The following KCNAB1 variants were observed in gnomAD, a reference collection of about 807,000 sequenced individuals.
The protein encoded by KCNAB1 is potassium voltage-gated channel subfamily A regulatory beta subunit 1.
KCNAB1 carries 35 observed loss-of-function variants against 64.6 expected under a neutral mutation model. The ratio of observed to expected loss-of-function variants is 0.54; its 90% CI spans 0.41 to 0.72. The LOEUF is 0.72. Among genes scored for constraint, KCNAB1 ranks in the 30% least tolerant of loss-of-function variants. The pLI is 0.00. For synonymous variants in KCNAB1, 177 were observed against 183.8 expected (o/e 0.96, Z 0.30); for missense variants, 401 against 512.9 (o/e 0.78, Z 2.11).
chr3:156,198,788 G>A (rs1714129920), intron 1 of KCNAB1, among the ~76,000 whole-genome samples: 1 of 151,206 alleles, frequency 6.6e-6, no homozygotes, highest in Non-Finnish European at 1.5e-5. Context: ...GGGGCCTTTA[G>A]CCTATTTACA....
At chr3:156,348,837 C>A (rs1219593276) in intron 1 of KCNAB1, among the ~76,000 whole-genome samples, 1 of 152,134 alleles carries the variant, frequency 6.6e-6, no homozygotes, top group African/African-American at 2.4e-5. Flanking sequence ...ATGGTTCTCT[C>A]CATTCCCAAA....
chr3:156,364,892 G>A (rs1725849212), intron 1 of KCNAB1, among the ~76,000 whole-genome samples: 1 of 152,166 alleles, frequency 6.6e-6, no homozygotes, highest in South Asian at 2.1e-4. Flanking sequence ...AAAAGTACTT[G>A]TACACTTATT....
chr3:156,242,361 G>A (rs1237157627), intron 1 of KCNAB1, among the ~76,000 whole-genome samples: 1 of 152,090 alleles, frequency 6.6e-6, no homozygotes, highest in Non-Finnish European at 1.5e-5. Flanking sequence ...GTTCTTTAGT[G>A]GTGATTTGTG....
intron 1 of KCNAB1, among the ~76,000 whole-genome samples, chr3:156,154,979 G>A (rs1715633554): frequency 1.3e-5 from 2 of 152,152 alleles, no homozygotes; most frequent in Admixed American, 1.3e-4. Flanking sequence ...TCCTGTATGG[G>A]TTAAATATTT....
chr3:156,516,181 A>C, intron 10 of KCNAB1, 89 bp from the exon 11 acceptor site: 2 of 859,772 alleles, frequency 2.3e-6, no homozygotes, highest in Non-Finnish European at 3.9e-6. Context: ...ATAACCTACC[A>C]AATTCTGTTT....
rs983635951 is a variant in KCNAB1, at chr3:156,452,254, C to G, written c.320-645C>G. ...CCCTTCTACTTTACAAAGTTTCAAACGTCTTTGGCTGCTGAGTGTGCATCT... is the reference window on the plus strand; with the variant it reads ...CCCTTCTACTTTACAAAGTTTCAAAGGTCTTTGGCTGCTGAGTGTGCATCT... On this transcript the variant is annotated intron_variant, in intron 2 of 13. Transcript: ENST00000490337. This position sits in a 1 kb window ranked among gnomAD's most constrained non-coding sequence, Gnocchi z 4.6. Among the ~76,000 whole-genome samples, 1 of 152,188 alleles carries G rather than the reference C, an allele frequency of 6.6e-6. No individual in the cohort carries two copies. The highest frequency in any genetic ancestry group is 1.5e-5 in the Non-Finnish European group (1 of 68,034).
At chr3:156,381,083 G>T (rs1191068645) in intron 1 of KCNAB1, among the ~76,000 whole-genome samples, 1 of 151,864 alleles carries the variant, frequency 6.6e-6, no homozygotes, top group Non-Finnish European at 1.5e-5. Flanking sequence ...CATCATATTG[G>T]GTCCCAAAAA....
chr3:156,299,092 A>T (rs533550930), intron 1 of KCNAB1, among the ~76,000 whole-genome samples: 15 of 152,230 alleles, frequency 9.9e-5, no homozygotes, highest in Non-Finnish European at 1.5e-4. Context: ...TTACCCATGA[A>T]GTTGGGCAGA....
chr3:156,534,586 C>CA (rs1447868722), intron 13 of KCNAB1, among the ~76,000 whole-genome samples: 1 of 152,194 alleles, frequency 6.6e-6, no homozygotes, highest in African/African-American at 2.4e-5. Context: ...CTCAACCACT[C>CA]AGAGCTTCGG....
At chr3:156,170,535 A>G (rs967977844) in intron 1 of KCNAB1, among the ~76,000 whole-genome samples, 1 of 152,208 alleles carries the variant, frequency 6.6e-6, no homozygotes, top group Non-Finnish European at 1.5e-5. Flanking sequence ...GATACTACCC[A>G]TCAATCAGCT....
intron 1 of KCNAB1, among the ~76,000 whole-genome samples, chr3:156,260,343 G>A (rs1165090504): frequency 6.6e-6 from 1 of 152,016 alleles, no homozygotes; most frequent in African/African-American, 2.4e-5. Flanking sequence ...TAAACTTATG[G>A]AATTGTGAAA....
At chr3:156,535,326 CCA>C (rs1388509026) in intron 13 of KCNAB1, among the ~76,000 whole-genome samples, 2 of 152,222 alleles carry the variant, frequency 1.3e-5, no homozygotes, top group Non-Finnish European at 2.9e-5. Context: ...TTGTATTTCA[CCA>C]CAGTCTCCAC....
intron 1 of KCNAB1, chr3:156,291,275 T>C: frequency 6.1e-6 from 6 of 987,278 alleles, no homozygotes; most frequent in Non-Finnish European, 7.2e-6. Context: ...TGGGGAGGGG[T>C]CTTGAGGAGC....
chr3:156,139,045 C>T (rs1560103650), intron 1 of KCNAB1, among the ~76,000 whole-genome samples: 1 of 152,200 alleles, frequency 6.6e-6, no homozygotes, highest in Non-Finnish European at 1.5e-5. Context: ...AATCATCGTT[C>T]CTGAGACACA....
At chr3:156,377,066 T>C (rs1711729713) in intron 1 of KCNAB1, among the ~76,000 whole-genome samples, 1 of 152,230 alleles carries the variant, frequency 6.6e-6, no homozygotes, top group Non-Finnish European at 1.5e-5. Flanking sequence ...GAGTCATTAA[T>C]GGAAAATTCT....
chr3:156,524,199 CAT>C, intron 12 of KCNAB1: 1 of 365,368 alleles, frequency 2.7e-6, no homozygotes, highest in Non-Finnish European at 4.9e-6. Context: ...TCAGTGATAA[CAT>C]ACACTATCAC....
Position 156,538,135 on chromosome 3 carries a change from A to AAAAC in KCNAB1, c.*1390_*1393dup, listed in dbSNP as rs1719186949. 1 of 111,264 alleles carries AAAAC rather than the reference A, an allele frequency of 9.0e-6. No individual in the cohort carries two copies. Among genetic ancestry groups the AAAAC allele is most frequent in the Non-Finnish European group, 1.8e-5 (1 of 55,660 alleles). 6.9% of individuals were successfully genotyped at this position (111,264 alleles called of 1,614,324 possible). On this transcript the variant is annotated 3_prime_UTR_variant, in exon 14 of 14. Transcript: ENST00000490337. ...TGTGTCAATATCTGTAAAAAGAGAG[A>AAAAC]AAACATGTTTTGTTTTTTTTTGAAG...
chr3:156,381,051 A>G (rs1303893296), intron 1 of KCNAB1, among the ~76,000 whole-genome samples: 1 of 152,212 alleles, frequency 6.6e-6, no homozygotes, highest in Non-Finnish European at 1.5e-5. Context: ...TAATCATTCC[A>G]CACTGTAAGC....
rs1275945866 is a variant in KCNAB1 at position 156,287,431 on chromosome 3, T to A, written c.276-134185T>A. On this transcript the variant is annotated intron_variant, in intron 1 of 13. Transcript: ENST00000490337. Reference sequence around the variant, plus strand: ...TTTACGAAGTAATAAATCCTCTATATGGTGACTCTTGATAAAAGAAGTGGT... The same window carrying A: ...TTTACGAAGTAATAAATCCTCTATAAGGTGACTCTTGATAAAAGAAGTGGT... Among the ~76,000 whole-genome samples, 4 of 151,746 alleles carry A rather than the reference T, an allele frequency of 2.6e-5. No individual in the cohort carries two copies. The East Asian group carries it at 7.7e-4, about 29-fold the overall frequency.
Sources: gnomAD v4.1 joint callset for allele counts (sites outside exome capture counted in the v4.1 genomes callset) on GRCh38, gnomAD v4.1.1 for gene constraint, Gnocchi (gnomAD v3.1) non-coding constraint, MANE v1.5 for transcripts, NCBI Gene and HGNC (gene_info 2026-07-23, HGNC 2026-07-21) for gene names.